The following CLIC5 variants were observed in gnomAD, a reference collection of about 807,000 sequenced individuals.
CLIC5 encodes chloride intracellular channel protein 5.
Under a neutral mutation model 24.7 loss-of-function variants are expected in CLIC5, and 20 were observed. The ratio of observed to expected loss-of-function variants is 0.81; its 90% CI spans 0.57 to 1.18. The LOEUF is 1.18. CLIC5 is among the 50% of genes most tolerant of loss of function. The pLI is 0.00. For synonymous variants in CLIC5, 159 were observed against 135.6 expected, an observed-to-expected ratio of 1.17 and a Z score of -1.20; for missense variants, 341 against 326.1, an observed-to-expected ratio of 1.05 and a Z score of -0.35.
chr6:45,888,630 C>T (rs1032080794), intron 6 of CLIC5, among the ~76,000 whole-genome samples: 43 of 152,170 alleles, frequency 2.8e-4, no homozygotes, highest in Non-Finnish European at 4.4e-5. Flanking sequence ...TATTTTGATA[C>T]ATATTACATA....
the CLIC5 span, among the ~76,000 whole-genome samples, chr6:46,086,044 G>A: frequency 5.3e-5 from 8 of 152,320 alleles, no homozygotes; most frequent in South Asian, 4.1e-4. Context: ...AGGACCCTCC[G>A]AGCCATGTGT....
rs1762902045 is a variant in CLIC5 at position 45,913,660 on chromosome 6, G to C, written c.588+568C>G. 6.9e-6 allele frequency: 4 copies of C among 579,796 alleles called. No homozygotes were observed. The South Asian group carries it at 3.7e-4, about 53-fold the overall frequency. The allele number at this position is 579,796 out of a possible 1,614,324, so 35.9% of individuals were successfully genotyped here. On this transcript the variant is annotated intron_variant, in intron 5 of 5. Coordinates refer to ENST00000339561, the MANE Select transcript of CLIC5 (RefSeq NM_016929.5). The stretch of plus-strand genomic sequence containing the variant: ...GATTCCCAGGGTTTGTTATATAGGA[G>C]AGGATGACACTACATGCTGCAAATG...
chr6:45,974,264 A>G (rs536355305), intron 1 of CLIC5, among the ~76,000 whole-genome samples: 73 of 151,922 alleles, frequency 4.8e-4, no homozygotes, highest in African/African-American at 1.6e-3. Context: ...TGGGCCTCTG[A>G]CACCTTCTCT....
chr6:45,908,857 G>A (rs188166501), intron 5 of CLIC5, among the ~76,000 whole-genome samples: 7 of 152,216 alleles, frequency 4.6e-5, no homozygotes, highest in South Asian at 2.1e-4. Flanking sequence ...TCTGTCTAAC[G>A]TTGTTAGTGA....
chr6:46,120,769 G>C, the CLIC5 span, among the ~76,000 whole-genome samples: 1 of 152,158 alleles, frequency 6.6e-6, no homozygotes, highest in African/African-American at 2.4e-5. Flanking sequence ...CATGGCACGA[G>C]AACTACATGA....
intron 1 of CLIC5, among the ~76,000 whole-genome samples, chr6:46,004,511 A>G (rs1766473149): frequency 1.3e-5 from 2 of 152,216 alleles, no homozygotes; most frequent in Admixed American, 1.3e-4. Flanking sequence ...TGGCAGAACT[A>G]CAGGGTGGAG....
At chr6:45,946,419 G>T (rs1399888941) in intron 3 of CLIC5, among the ~76,000 whole-genome samples, 3 of 152,188 alleles carry the variant, frequency 2.0e-5, no homozygotes, top group Non-Finnish European at 4.4e-5. Context: ...GAAAAAAATG[G>T]TTGGAGTGTT....
chr6:46,031,864 CAT>C (rs201796576), intron 1 of CLIC5, among the ~76,000 whole-genome samples: 2,335 of 147,056 alleles, frequency 0.016, 51 homozygotes, highest in African/African-American at 0.053. Context: ...TATATATACA[CAT>C]ATATATATAA....
At position 45,917,271 on chromosome 6, in the gene CLIC5, G is replaced by T. The variant is rs182314023; in HGVS notation, c.407-2862C>A. Among the ~76,000 whole-genome samples, 203 of 152,274 alleles carry T rather than the reference G, an allele frequency of 1.3e-3. 1 individual carries two copies. Among genetic ancestry groups the T allele is most frequent in the Middle Eastern group, 6.8e-3 (2 of 294 alleles). The stretch of plus-strand genomic sequence containing the variant: ...TCACCCTGTTAAGACCACTGCTGGG[G>T]TTAACTCAGATAATGCAGGGAAAGC... On this transcript the variant is annotated intron_variant, in intron 4 of 5. Coordinates refer to ENST00000339561, the MANE Select transcript of CLIC5 (RefSeq NM_016929.5).
At chr6:45,942,560 A>G (rs546076868) in intron 3 of CLIC5, among the ~76,000 whole-genome samples, 1 of 152,326 alleles carries the variant, frequency 6.6e-6, no homozygotes, top group African/African-American at 2.4e-5. Flanking sequence ...ATTATTTTCA[A>G]TGAATGTGCA....
At chr6:45,974,770 A>G (rs1008081639) in intron 1 of CLIC5, among the ~76,000 whole-genome samples, 2 of 152,076 alleles carry the variant, frequency 1.3e-5, no homozygotes, top group African/African-American at 4.8e-5. Flanking sequence ...GAATGTAGAA[A>G]GGTAACATGT....
At chr6:45,926,499 GC>G (rs1158419477) in intron 4 of CLIC5, among the ~76,000 whole-genome samples, 1 of 151,000 alleles carries the variant, frequency 6.6e-6, no homozygotes, top group Non-Finnish European at 1.5e-5. Flanking sequence ...CTTGTGATCC[GC>G]CCCCCTCGGC....
At chr6:46,002,985 G>C (rs1766415314) in intron 1 of CLIC5, among the ~76,000 whole-genome samples, 1 of 152,196 alleles carries the variant, frequency 6.6e-6, no homozygotes, top group African/African-American at 2.4e-5. Flanking sequence ...TGGGTAAAAT[G>C]AGGCAGGAGA....
At chr6:46,086,755 T>C in the CLIC5 span, among the ~76,000 whole-genome samples, 1 of 152,272 alleles carries the variant, frequency 6.6e-6, no homozygotes, top group East Asian at 1.9e-4. Flanking sequence ...TGGAGCAACT[T>C]GGTCCACTGG....
At chr6:45,968,453 G>T (rs1001170107) in intron 1 of CLIC5, among the ~76,000 whole-genome samples, 1 of 152,036 alleles carries the variant, frequency 6.6e-6, no homozygotes, top group African/African-American at 2.4e-5. Flanking sequence ...GCTTCCTGGG[G>T]GTCCTGAAAC....
intron 1 of CLIC5, among the ~76,000 whole-genome samples, chr6:46,038,242 A>G (rs1485055655): frequency 6.6e-6 from 1 of 152,202 alleles, no homozygotes; most frequent in Admixed American, 6.5e-5. Flanking sequence ...CAGTTAGCAG[A>G]CTGCATGGCT....
chr6:45,904,498 A>ATAAT (rs1055041894), intron 5 of CLIC5, among the ~76,000 whole-genome samples: 2 of 151,418 alleles, frequency 1.3e-5, no homozygotes, highest in Admixed American at 1.3e-4. Flanking sequence ...GAAATTCTTA[A>ATAAT]TAATTTTTAA....
chr6:46,051,740 T>C lies in CLIC5; in HGVS notation c.540+27963A>G, dbSNP rs188243220. On this transcript the variant is annotated intron_variant, in intron 1 of 5. Coordinates refer to the CLIC5 transcript ENST00000185206. ...TTACATTTTATAAAATACCATCTCA[T>C]ATATTTTATCTTTTGATGCTCAAAA... 1.9e-4 allele frequency among the ~76,000 whole-genome samples: 29 copies of C among 152,370 alleles called. No homozygotes were observed. The East Asian group carries it at 5.2e-3, about 27-fold the overall frequency.
intron 3 of CLIC5, among the ~76,000 whole-genome samples, chr6:45,944,576 T>TAAA (rs1764230437): frequency 3.8e-5 from 5 of 131,002 alleles, no homozygotes; most frequent in African/African-American, 1.6e-4. Flanking sequence ...AAAAAAAAAT[T>TAAA]TTTCAAAAGT....
Sources: allele counts gnomAD v4.1 joint callset (sites outside exome capture counted in the v4.1 genomes callset), GRCh38; gene constraint gnomAD v4.1.1; transcripts MANE v1.5; gene names NCBI Gene and HGNC (gene_info 2026-07-23, HGNC 2026-07-21).